Variants in ERBIN observed in about 807,000 individuals in gnomAD.
The protein encoded by ERBIN is erbb2 interacting protein.
Under a neutral mutation model 158.4 loss-of-function variants are expected in ERBIN, and 60 were observed. That is an observed-to-expected ratio of 0.38 (90% CI 0.31 to 0.47). The LOEUF (loss-of-function observed/expected upper bound fraction) is 0.47. Among genes scored for constraint, ERBIN ranks in the 20% least tolerant of loss-of-function variants. ERBIN has a pLI of 0.99. For synonymous variants in ERBIN, 594 were observed against 557.2 expected (o/e 1.07, Z -0.93); for missense variants, 1,610 against 1,648.0 (o/e 0.98, Z 0.40).
chr5:66,044,335 C>G lies in ERBIN; in HGVS notation c.1602+25C>G, dbSNP rs914477654. ...GGTTAGAAAATTCAAAAGGATTAAC[C>G]AAAGCCTATTTCAAGTTCTTATTTT... On this transcript the variant is annotated intron_variant, in intron 17 of 25. Coordinates refer to ENST00000284037, the MANE Select transcript of ERBIN (RefSeq NM_001253697.2). 1.9e-6 allele frequency: 3 copies of G among 1,560,752 alleles called. No homozygotes were observed. The African/African-American group carries it at 4.2e-5, about 22-fold the overall frequency.
rs568857299 is a variant in ERBIN, at chr5:66,029,451, A to G, written c.1206+1108A>G. Reference sequence around the variant, plus strand: ...CAGCCAAATTTTCTTGGGAAACTATATTATATTCTAATTCTGGATTATATT... The same window carrying G: ...CAGCCAAATTTTCTTGGGAAACTATGTTATATTCTAATTCTGGATTATATT... On this transcript the variant is annotated intron_variant, in intron 14 of 25. Coordinates refer to ENST00000284037, the MANE Select transcript of ERBIN (RefSeq NM_001253697.2). Among the ~76,000 whole-genome samples the G allele has an allele frequency of 1.5e-4, 23 of 152,254 alleles. No individual in the cohort carries two copies. In the South Asian group the frequency reaches 4.4e-3, roughly 29 times the overall value.
Position 66,054,432 on chromosome 5 carries a change from T to C in ERBIN, c.3114T>C (p.Ala1038=). The part of the protein sequence containing the change: ...MNFSNHNNVR[A]NTAYHLHQRL... ...TCTCTAATCATAACAATGTTCGAGC[T>C]AATACTGCATACCATTTACATCAGA... The change falls in exon 21 of 26, where the codon GCT becomes GCC. Residue 1038 remains alanine, a synonymous_variant. Transcript: ENST00000284037. 6.2e-7 allele frequency: 1 copy of C among 1,614,198 alleles called. No homozygotes were observed. The highest frequency in any genetic ancestry group is 8.5e-7 in the Non-Finnish European group (1 of 1,180,026).
At chr5:65,965,798 A>C (rs946777255) in intron 1 of ERBIN, among the ~76,000 whole-genome samples, 5 of 152,142 alleles carry the variant, frequency 3.3e-5, no homozygotes, top group African/African-American at 9.7e-5. Flanking sequence ...AGTTCATGGC[A>C]CATAACACAA....
chr5:65,990,846 T>G (rs1318275857), intron 2 of ERBIN, among the ~76,000 whole-genome samples: 2 of 151,758 alleles, frequency 1.3e-5, no homozygotes, highest in East Asian at 2.0e-4. Context: ...CTGCAGCCTC[T>G]GCCTCCCGGG....
intron 2 of ERBIN, among the ~76,000 whole-genome samples, chr5:65,992,038 T>G (rs974473545): frequency 2.6e-5 from 4 of 152,198 alleles, no homozygotes; most frequent in Admixed American, 2.6e-4. Context: ...CACTTAATCA[T>G]GTCCTTAATG....
In ERBIN at chr5:66,066,561, A is replaced by G. The variant is rs559607638; in HGVS notation, c.3634-5608A>G. Among the ~76,000 whole-genome samples the G allele has an allele frequency of 2.0e-5, 3 of 152,152 alleles. No homozygotes were observed. In the East Asian group the frequency reaches 5.8e-4, roughly 29 times the overall value. On this transcript the variant is annotated intron_variant, in intron 21 of 25. Coordinates refer to ENST00000284037, the MANE Select transcript of ERBIN (RefSeq NM_001253697.2). ...CAAAAAAAACTGTACCTGGAATTCA[A>G]AGATACAAAGTAGATGTCACCTTGA...
intron 1 of ERBIN, among the ~76,000 whole-genome samples, chr5:65,932,475 A>G (rs1743563017): frequency 6.6e-6 from 1 of 152,180 alleles, no homozygotes; most frequent in African/African-American, 2.4e-5. Flanking sequence ...AAATGTAAAT[A>G]TAATGGAAAA....
intron 1 of ERBIN, among the ~76,000 whole-genome samples, chr5:65,977,284 C>T (rs1187189600): frequency 1.2e-4 from 18 of 148,230 alleles, no homozygotes; most frequent in Non-Finnish European, 2.2e-4. Context: ...GGCGGCTGGC[C>T]GGGCGGGGGG....
At chr5:65,956,376 T>TTC (rs1747129143) in intron 1 of ERBIN, among the ~76,000 whole-genome samples, 1 of 81,480 alleles carries the variant, frequency 1.2e-5, no homozygotes, top group Non-Finnish European at 2.5e-5. Flanking sequence ...CAGGTGATTT[T>TTC]TTTTTTTTTT....
chr5:66,076,575 A>G (rs1390188242), intron 24 of ERBIN, 167 bp downstream of exon 24: 9 of 637,930 alleles, frequency 1.4e-5, no homozygotes, highest in Non-Finnish European at 2.4e-5. Flanking sequence ...GATCAGTTCA[A>G]GTTAAAACAA....
intron 14 of ERBIN, among the ~76,000 whole-genome samples, chr5:66,037,520 G>A (rs1757512378): frequency 6.6e-6 from 1 of 152,108 alleles, no homozygotes; most frequent in Non-Finnish European, 1.5e-5. Flanking sequence ...AATTGTTCAG[G>A]AATTTGAAAT....
intron 4 of ERBIN, among the ~76,000 whole-genome samples, chr5:66,010,105 G>T (rs538254968): frequency 2.6e-5 from 4 of 151,998 alleles, no homozygotes; most frequent in Admixed American, 6.5e-5. Flanking sequence ...TTACTTTCGC[G>T]TATTGCATTT....
intron 1 of ERBIN, among the ~76,000 whole-genome samples, chr5:65,979,753 CAGAA>C (rs1193578579): frequency 6.6e-6 from 1 of 152,052 alleles, no homozygotes; most frequent in Non-Finnish European, 1.5e-5. Context: ...GAAATAAAGA[CAGAA>C]GGAAATGGTA....
At chr5:66,026,566 AGT>A (rs1422495007) in intron 13 of ERBIN, 149 bp downstream of exon 13, 2 of 402,542 alleles carry the variant, frequency 5.0e-6, no homozygotes, top group East Asian at 3.7e-5. Flanking sequence ...GCTCTTGGAA[AGT>A]GTGACTTTCA....
intron 17 of ERBIN, 143 bp downstream of exon 17, chr5:66,044,453 A>C (rs1194216060): frequency 1.3e-6 from 1 of 744,486 alleles, no homozygotes; most frequent in Admixed American, 3.2e-5. Context: ...GCTCACATAC[A>C]TATGATGGTG....
At chr5:66,068,920 G>C (rs1331658804) in intron 21 of ERBIN, 1 of 1,535,722 alleles carries the variant, frequency 6.5e-7, no homozygotes, top group Admixed American at 2.0e-5. Context: ...ACTACTGTAA[G>C]CAGTTTTCAC....
At chr5:65,940,769 G>A (rs1744885141) in intron 1 of ERBIN, among the ~76,000 whole-genome samples, 1 of 151,340 alleles carries the variant, frequency 6.6e-6, no homozygotes, top group Non-Finnish European at 1.5e-5. Context: ...GCCCCTACTG[G>A]GAAGTGAGGA....
chr5:66,044,281 C>G lies in ERBIN; in HGVS notation c.1573C>G (p.Gln525Glu), dbSNP rs762216551. The G allele has an allele frequency of 6.2e-7, 1 of 1,601,146 alleles. No individual in the cohort carries two copies. Among genetic ancestry groups the G allele is most frequent in the Admixed American group, 1.8e-5 (1 of 56,506 alleles). Reference protein sequence around the residue: ...GRDLKPHEDQQDINKDVGVKT... With the variant: ...GRDLKPHEDQEDINKDVGVKT... ...AGATTTGAAACCACATGAAGATCAA[C>G]AAGATATAAATAAAGATGTGGGTGT... is the stretch of plus-strand genomic sequence containing the variant. Residue 525 changes from glutamine (Q) to glutamate (E), a missense_variant, in exon 17 of 26, where the codon CAA (glutamine) becomes GAA (glutamate). Transcript: ENST00000284037.
At chr5:66,018,506 T>TTATATAA (rs1561380720) in intron 7 of ERBIN, among the ~76,000 whole-genome samples, 568 of 5,568 alleles carry the variant, frequency 0.1, 147 homozygotes, top group Non-Finnish European at 0.14. Context: ...ATAATATATA[T>TTATATAA]TATATATTAT....
Sources: allele counts gnomAD v4.1 joint callset (sites outside exome capture counted in the v4.1 genomes callset), GRCh38; gene constraint gnomAD v4.1.1; transcripts MANE v1.5; gene names NCBI Gene and HGNC (gene_info 2026-07-23, HGNC 2026-07-21).